CERS4: variants seen among roughly 807,000 people sequenced by gnomAD.
CERS4 encodes the protein ceramide synthase 4, also known as LAG1 homolog, ceramide synthase 4.
A neutral mutation model predicts 51.8 loss-of-function variants in CERS4; 65 were observed. That is an observed-to-expected ratio of 1.26 (90% CI 1.03 to 1.54). The LOEUF (loss-of-function observed/expected upper bound fraction) is 1.54, where lower values mean the gene tolerates loss of function less well. CERS4 is among the 40% of genes most tolerant of loss of function. The pLI, the probability that CERS4 is intolerant of heterozygous loss-of-function variation, is 0.00. For synonymous variants in CERS4, 228 were observed against 208.4 expected (o/e 1.09, Z -0.81); for missense variants, 563 against 500.4 (o/e 1.13, Z -1.19).
chr19:8,212,001 G>C (rs941446318), intron 2 of CERS4, among the ~76,000 whole-genome samples: 2 of 152,004 alleles, frequency 1.3e-5, no homozygotes, highest in Admixed American at 6.6e-5. Flanking sequence ...CCTGGAGGAG[G>C]TGACAGTTGG....
rs1194791148 is a variant in CERS4, at chr19:8,257,067, A to G, written c.731A>G (p.Tyr244Cys). The stretch of plus-strand genomic sequence containing the variant: ...CTGCTGTTACACGATTCCTCTGACT[A>G]CCTGCTGGAGGTGGGCCCGACCCCT... ...LVLLLHDSSD[Y>C]LLEACKMVNY... The change falls in exon 9 of 12, where the codon TAC becomes TGC. Residue 244 changes from tyrosine to cysteine, a missense_variant. Physicochemically the swap from Tyr to Cys is radical, Grantham distance 194 (BLOSUM62 -2). Coordinates refer to ENST00000251363, the MANE Select transcript of CERS4 (RefSeq NM_024552.3). 5 of 1,600,728 alleles carry G rather than the reference A, an allele frequency of 3.1e-6. No individual in the cohort carries two copies. The African/African-American group carries it at 4.0e-5, about 13-fold the overall frequency.
At chr19:8,221,509 C>T (rs1967539681) in intron 2 of CERS4, among the ~76,000 whole-genome samples, 1 of 151,596 alleles carries the variant, frequency 6.6e-6, no homozygotes. Flanking sequence ...AAATGTATTT[C>T]GGTAAACAAA....
intron 2 of CERS4, among the ~76,000 whole-genome samples, chr19:8,245,128 A>AAAAAACAAAACAAAAACAAAAC (rs1968720186): frequency 2.6e-4 from 5 of 18,876 alleles, no homozygotes; most frequent in African/African-American, 4.9e-4. Flanking sequence ...AAAAAAAAAA[A>AAAAAACAAAACAAAAACAAAAC]AAAAAAACAC....
chr19:8,218,990 T>C (rs994270692), intron 2 of CERS4, among the ~76,000 whole-genome samples: 3 of 152,112 alleles, frequency 2.0e-5, no homozygotes, highest in Admixed American at 1.3e-4. Flanking sequence ...GAGGATCACT[T>C]GAGGCCAGGA....
In CERS4 at chr19:8,251,249, G is replaced by A. The variant is rs368906725; in HGVS notation, c.173G>A (p.Arg58Lys). ...VLLAMRLAFE[R>K]FIGLPLSRWL... The stretch of plus-strand genomic sequence containing the variant: ...CTGGCCATGCGCCTTGCCTTTGAGA[G>A]GTGAGTGTCTGCCCTGCCGCAATCC... Residue 58 changes from arginine (R) to lysine (K), a missense_variant and splice_region_variant, in exon 3 of 12, where the codon AGA (arginine) becomes AAA (lysine). Transcript: ENST00000251363. 1.9e-5 allele frequency: 31 copies of A among 1,597,618 alleles called. No individual in the cohort carries two copies. Among genetic ancestry groups the A allele is most frequent in the Non-Finnish European group, 2.5e-5 (29 of 1,172,334 alleles).
chr19:8,262,373 G>C lies in CERS4; in HGVS notation c.*264G>C. 2.6e-6 allele frequency: 1 copy of C among 389,606 alleles called. No homozygotes were observed. The highest frequency in any genetic ancestry group is 3.7e-5 in the East Asian group (1 of 27,106). 24.1% of individuals were successfully genotyped at this position (389,606 alleles called of 1,614,324 possible). On this transcript the variant is annotated 3_prime_UTR_variant, in exon 12 of 12. Transcript: ENST00000251363. ...CCTCCAGGCTGTGGCCTGGGGGCTG[G>C]GGGGAGCCCCAGGCTGAAAAGGGTC... is the stretch of plus-strand genomic sequence containing the variant.
chr19:8,262,309 T>G lies in CERS4; in HGVS notation c.*200T>G. On this transcript the variant is annotated 3_prime_UTR_variant, in exon 12 of 12. Coordinates refer to ENST00000251363, the MANE Select transcript of CERS4 (RefSeq NM_024552.3). ...TTCCCTCTGGGCAACTGGACAGATC[T>G]GGGAGCCAGCAGCTGGATGCTGTGG... The G allele has an allele frequency of 2.1e-6, 1 of 485,170 alleles. No individual in the cohort carries two copies. The highest frequency in any genetic ancestry group is 3.3e-6 in the Non-Finnish European group (1 of 299,194). 30.1% of individuals were successfully genotyped at this position (485,170 alleles called of 1,614,324 possible). A position where few individuals can be genotyped will look rare whatever the true frequency, so the allele number is the denominator to read the frequency against.
chr19:8,261,812 C>G lies in CERS4; in HGVS notation c.973C>G (p.Arg325Gly). Residue 325 changes from arginine (R) to glycine (G), a missense_variant, in exon 11 of 12, where the codon CGC becomes GGC. Physicochemically the swap from Arg to Gly is moderately radical, Grantham distance 125 (BLOSUM62 -2). Transcript: ENST00000251363. ...CGTGTTCTGGTCTTGCCTCATTCTG[C>G]GCATGCTCTATAGCTTCATGAAGAA... ...LHVFWSCLIL[R>G]MLYSFMKKGQ... 6.2e-7 allele frequency: 1 copy of G among 1,614,172 alleles called. No individual in the cohort carries two copies. Among genetic ancestry groups the G allele is most frequent in the Non-Finnish European group, 8.5e-7 (1 of 1,180,018 alleles).
In CERS4 at chr19:8,256,571, T is replaced by C. The variant is rs116289814; in HGVS notation, c.520-47T>C. 6.6e-4 allele frequency: 1,018 copies of C among 1,550,364 alleles called. 1 individual carries two copies. In the African/African-American group the frequency reaches 8.5e-3, roughly 13 times the overall value. On this transcript the variant is annotated intron_variant, in intron 7 of 11. Transcript: ENST00000251363. ...GGCCCGGAGCCATACCCCTGCCCGA[T>C]TGGAGCCTTCGCTCCCCACAGCTAA...
At chr19:8,227,401 G>A (rs556860075) in intron 2 of CERS4, among the ~76,000 whole-genome samples, 65 of 151,862 alleles carry the variant, frequency 4.3e-4, no homozygotes, top group Admixed American at 2.1e-3. Flanking sequence ...GTGCGATCTC[G>A]GCTCACTGCA....
At position 8,225,473 on chromosome 19, in the gene CERS4, G is replaced by A. The variant is rs937712985; in HGVS notation, c.-2+14611G>A. 1.5e-4 allele frequency among the ~76,000 whole-genome samples: 23 copies of A among 148,718 alleles called. No individual in the cohort carries two copies. In the South Asian group the frequency reaches 4.5e-3, roughly 29 times the overall value. On this transcript the variant is annotated intron_variant, in intron 2 of 11. Transcript: ENST00000251363. ...CTCACTCTTGGCCCCCCAGGCTGGA[G>A]TGCGCAATGGAGCGATCTCGGCTAA...
intron 3 of CERS4, among the ~76,000 whole-genome samples, chr19:8,252,016 C>T (rs888736097): frequency 3.3e-5 from 5 of 151,158 alleles, no homozygotes; most frequent in Admixed American, 2.0e-4. Context: ...CACTTGAGTC[C>T]AGGAGTTCGA....
At chr19:8,247,621 T>C (rs1249189213) in intron 2 of CERS4, among the ~76,000 whole-genome samples, 1 of 152,164 alleles carries the variant, frequency 6.6e-6, no homozygotes, top group Non-Finnish European at 1.5e-5. Context: ...GGTCTTGCTA[T>C]GTTGCCCAGG....
At chr19:8,261,371 T>TG in intron 10 of CERS4, 2 of 321,350 alleles carry the variant, frequency 6.2e-6, no homozygotes, top group Non-Finnish European at 5.8e-6. Flanking sequence ...GGGGAGGTGA[T>TG]GGGGGTCTGA....
chr19:8,247,618 C>A (rs1968846107), intron 2 of CERS4, among the ~76,000 whole-genome samples: 1 of 152,006 alleles, frequency 6.6e-6, no homozygotes. Context: ...CAGGGTCTTG[C>A]TATGTTGCCC....
At chr19:8,259,500 G>GTTATAAGGTTATAAGGTT (rs1451627708) in intron 10 of CERS4, among the ~76,000 whole-genome samples, 6 of 152,246 alleles carry the variant, frequency 3.9e-5, no homozygotes, top group Non-Finnish European at 7.4e-5. Context: ...TAAGCAGAGG[G>GTTATAAGGTTATAAGGTT]ATTCAATCTG....
intron 2 of CERS4, among the ~76,000 whole-genome samples, chr19:8,249,798 C>T (rs966656359): frequency 6.6e-5 from 10 of 151,718 alleles, no homozygotes; most frequent in Non-Finnish European, 1.2e-4. Context: ...ACCATGTTGG[C>T]CAGGCTGGTC....
intron 2 of CERS4, among the ~76,000 whole-genome samples, chr19:8,228,124 T>A (rs1967861945): frequency 1.3e-5 from 2 of 152,056 alleles, no homozygotes; most frequent in South Asian, 4.1e-4. Flanking sequence ...CCTCCCAAAG[T>A]GCTGAGATGA....
intron 3 of CERS4, among the ~76,000 whole-genome samples, chr19:8,252,783 C>T (rs1298961310): frequency 6.6e-6 from 1 of 152,098 alleles, no homozygotes; most frequent in African/African-American, 2.4e-5. Flanking sequence ...CCATGTTGCC[C>T]AGGTTGGTCT....
Sources: allele counts gnomAD v4.1 joint callset (sites outside exome capture counted in the v4.1 genomes callset), GRCh38; gene constraint gnomAD v4.1.1; transcripts MANE v1.5; gene names NCBI Gene and HGNC (gene_info 2026-07-23, HGNC 2026-07-21).